The following TLL2 variants were observed in gnomAD, a reference collection of about 807,000 sequenced individuals.
The protein encoded by TLL2 is tolloid-like protein 2.
Under a neutral mutation model 123.0 loss-of-function variants are expected in TLL2, and 106 were observed. The observed-to-expected ratio is 0.86, with a 90% confidence interval of 0.74 to 1.01. The LOEUF is 1.01. Among genes scored for constraint, TLL2 ranks in the 50% least tolerant of loss-of-function variants. The pLI is 0.00. For missense variants in TLL2, 1,332 were observed against 1,336.7 expected (o/e 1.00, Z 0.06); for synonymous variants, 494 against 516.8 (o/e 0.96, Z 0.60).
chr10:96,465,511 T>C (rs538153343), intron 2 of TLL2, among the ~76,000 whole-genome samples: 1 of 152,250 alleles, frequency 6.6e-6, no homozygotes, highest in African/African-American at 2.4e-5. Context: ...CAACAGGTGA[T>C]AGAGACTGAA....
At chr10:96,477,287 G>GC (rs1362394601) in intron 2 of TLL2, among the ~76,000 whole-genome samples, 10 of 151,314 alleles carry the variant, frequency 6.6e-5, no homozygotes, top group Non-Finnish European at 1.5e-4. Context: ...CATTCCTAAG[G>GC]CCCCACATTC....
chr10:96,476,102 T>C (rs1847241968), intron 2 of TLL2, among the ~76,000 whole-genome samples: 1 of 151,146 alleles, frequency 6.6e-6, no homozygotes, highest in Non-Finnish European at 1.5e-5. Flanking sequence ...AATAGACTAA[T>C]ACACAGAGGC....
rs140991491 is a variant in TLL2, at chr10:96,370,238, G to A, written c.2740C>T (p.Pro914Ser). 21 of 1,613,406 alleles carry A rather than the reference G, an allele frequency of 1.3e-5. No homozygotes were observed. The African/African-American group carries it at 2.7e-4, about 21-fold the overall frequency. The change falls in exon 20 of 21, where the codon CCG becomes TCG. Residue 914 changes from proline to serine, a missense_variant. Coordinates refer to ENST00000357947, the MANE Select transcript of TLL2 (RefSeq NM_012465.4). Reference protein sequence around the residue: ...SHAQFGDNNYPSEARCDWVIV... With the variant: ...SHAQFGDNNYSSEARCDWVIV... ...ACCCAGTCACAGCGGGCCTCGCTCG[G>A]GTAGTTGTTGTCCCCAAACTGGGCG...
At chr10:96,379,163 A>T in intron 16 of TLL2, 71 bp from the exon 17 acceptor site, 1 of 1,567,940 alleles carries the variant, frequency 6.4e-7, no homozygotes, top group Non-Finnish European at 8.7e-7. Flanking sequence ...TCAGAATCCC[A>T]CTTAAAAGTG....
intron 19 of TLL2, among the ~76,000 whole-genome samples, chr10:96,371,668 T>A (rs1303413306): frequency 3.3e-5 from 5 of 152,064 alleles, no homozygotes; most frequent in Admixed American, 1.3e-4. Context: ...CAGAGCAGGG[T>A]GGGACGCCTC....
intron 10 of TLL2, among the ~76,000 whole-genome samples, chr10:96,398,898 G>A (rs1846365245): frequency 7.3e-6 from 1 of 136,932 alleles, no homozygotes; most frequent in South Asian, 2.3e-4. Flanking sequence ...TTGAGACAGA[G>A]TCTTGCTCTG....
chr10:96,485,845 T>A (rs1298680473), intron 1 of TLL2, among the ~76,000 whole-genome samples: 5 of 152,188 alleles, frequency 3.3e-5, no homozygotes, highest in African/African-American at 4.8e-5. Flanking sequence ...CCCTGAAGAT[T>A]TGGCACAAGA....
At chr10:96,406,798 G>A (rs990471526) in intron 9 of TLL2, among the ~76,000 whole-genome samples, 1 of 152,134 alleles carries the variant, frequency 6.6e-6, no homozygotes, top group Admixed American at 6.5e-5. Context: ...CTCCTCCACT[G>A]TAGGAGATGC....
At chr10:96,470,548 T>C (rs1847169401) in intron 2 of TLL2, among the ~76,000 whole-genome samples, 1 of 152,182 alleles carries the variant, frequency 6.6e-6, no homozygotes, top group Non-Finnish European at 1.5e-5. Context: ...ACACATCCTG[T>C]GCACCCCCAG....
intron 2 of TLL2, 40 bp downstream of exon 2, chr10:96,480,309 C>T: frequency 1.3e-6 from 2 of 1,554,956 alleles, no homozygotes; most frequent in Non-Finnish European, 8.9e-7. Context: ...GTCCCTCATC[C>T]CTCCCATCTG....
intron 2 of TLL2, among the ~76,000 whole-genome samples, chr10:96,456,775 G>C (rs1847020642): frequency 6.6e-6 from 1 of 152,204 alleles, no homozygotes; most frequent in South Asian, 2.1e-4. Context: ...GGGTATGTGG[G>C]AGACACAGCT....
chr10:96,370,209 G>T lies in TLL2; in HGVS notation c.2769C>A (p.Ile923=), dbSNP rs757852949. ...YPSEARCDWV[I]VAEDGYGVEL... ...CCACGCCGTAGCCGTCCTCTGCCACGATCACCCAGTCACAGCGGGCCTCGC... is the reference window on the plus strand; with the variant it reads ...CCACGCCGTAGCCGTCCTCTGCCACTATCACCCAGTCACAGCGGGCCTCGC... The change falls in exon 20 of 21, where the codon ATC becomes ATA. Residue 923 remains isoleucine (I), a synonymous_variant. Transcript: ENST00000357947. 1.9e-6 allele frequency: 3 copies of T among 1,614,052 alleles called. No individual in the cohort carries two copies. The highest frequency in any genetic ancestry group is 1.1e-5 in the South Asian group (1 of 91,050).
intron 3 of TLL2, 41 bp downstream of exon 3, chr10:96,446,050 G>A (rs1458492985): frequency 5.0e-6 from 8 of 1,600,894 alleles, no homozygotes; most frequent in Non-Finnish European, 6.8e-6. Context: ...ACAACTGAAA[G>A]AAAACAAGGT....
At chr10:96,467,891 T>C (rs911753009) in intron 2 of TLL2, among the ~76,000 whole-genome samples, 3 of 152,238 alleles carry the variant, frequency 2.0e-5, no homozygotes, top group African/African-American at 7.2e-5. Context: ...AACTGATACA[T>C]ATGATACACG....
chr10:96,486,149 C>T (rs1393065470), intron 1 of TLL2, among the ~76,000 whole-genome samples: 2 of 152,100 alleles, frequency 1.3e-5, no homozygotes, highest in African/African-American at 4.8e-5. Flanking sequence ...AGTTTAAATA[C>T]TTATTTTGCT....
intron 1 of TLL2, among the ~76,000 whole-genome samples, chr10:96,495,895 A>G (rs1847470058): frequency 6.6e-6 from 1 of 152,142 alleles, no homozygotes; most frequent in African/African-American, 2.4e-5. Context: ...GAGTGGAGAG[A>G]TGTAAATGTT....
chr10:96,442,162 G>T (rs982686028), intron 3 of TLL2, among the ~76,000 whole-genome samples: 8 of 152,164 alleles, frequency 5.3e-5, no homozygotes, highest in Admixed American at 4.6e-4. Context: ...AGGGGATGTT[G>T]AGTGAGCATT....
intron 1 of TLL2, among the ~76,000 whole-genome samples, chr10:96,510,976 G>C (rs1047471508): frequency 1.3e-5 from 2 of 152,216 alleles, no homozygotes; most frequent in African/African-American, 4.8e-5. Flanking sequence ...GGCCCAGAGA[G>C]GAGGGGAGTC....
At chr10:96,400,357 CAAAAAAAA>C (rs55975748) in intron 10 of TLL2, among the ~76,000 whole-genome samples, 3 of 109,894 alleles carry the variant, frequency 2.7e-5, no homozygotes, top group East Asian at 2.7e-4. Flanking sequence ...CTACTACCAT[CAAAAAAAA>C]AAAAAAAAAA....
Sources: allele counts gnomAD v4.1 joint callset (sites outside exome capture counted in the v4.1 genomes callset), GRCh38; gene constraint gnomAD v4.1.1; transcripts MANE v1.5; gene names NCBI Gene and HGNC (gene_info 2026-07-23, HGNC 2026-07-21).